EFCAB5: variants seen among roughly 807,000 people sequenced by gnomAD.
EFCAB5 encodes EF-hand calcium binding domain 5.
A neutral mutation model predicts 167.9 loss-of-function variants in EFCAB5; 131 were observed. The observed-to-expected ratio is 0.78, with a 90% CI of 0.68 to 0.90. EFCAB5 has a LOEUF of 0.90. EFCAB5 is among the 40% of genes least tolerant of loss of function. The pLI is 0.00. For synonymous variants in EFCAB5, 574 were observed against 602.8 expected (o/e 0.95, Z 0.70); for missense variants, 1,663 against 1,745.2 (o/e 0.95, Z 0.84).
At chr17:30,012,030 G>A (rs2068915162) in intron 7 of EFCAB5, among the ~76,000 whole-genome samples, 1 of 152,210 alleles carries the variant, frequency 6.6e-6, no homozygotes, top group South Asian at 2.1e-4. Context: ...AGGGGACATA[G>A]TGAGGAGTGA....
chr17:30,000,593 T>A (rs1334615979), intron 7 of EFCAB5, among the ~76,000 whole-genome samples: 1 of 152,222 alleles, frequency 6.6e-6, no homozygotes, highest in East Asian at 1.9e-4. Flanking sequence ...CATTTCCCCT[T>A]GTTTTTCTCT....
At chr17:30,002,644 GT>G (rs1203848506) in intron 7 of EFCAB5, among the ~76,000 whole-genome samples, 1 of 152,128 alleles carries the variant, frequency 6.6e-6, no homozygotes, top group East Asian at 1.9e-4. Flanking sequence ...ATTTACCTGT[GT>G]TTTTTGCTTT....
chr17:29,941,212 G>A (rs911700942), upstream of EFCAB5, among the ~76,000 whole-genome samples: 3 of 151,994 alleles, frequency 2.0e-5, no homozygotes, highest in Non-Finnish European at 4.4e-5. Context: ...TTTTGGCATG[G>A]CAGTGATTTG....
intron 4 of EFCAB5, among the ~76,000 whole-genome samples, chr17:29,987,369 G>A (rs527365787): frequency 1.2e-4 from 18 of 152,238 alleles, no homozygotes; most frequent in East Asian, 3.9e-4. Context: ...TGTCTCGATC[G>A]CACCCAAATT....
intron 22 of EFCAB5, among the ~76,000 whole-genome samples, chr17:30,096,084 G>C (rs1024703656): frequency 6.6e-6 from 1 of 152,146 alleles, no homozygotes; most frequent in African/African-American, 2.4e-5. Flanking sequence ...TATGATATTA[G>C]ACAAGTACTC....
chr17:29,996,371 C>T lies in EFCAB5; in HGVS notation c.973+11C>T. The T allele has an allele frequency of 1.3e-6, 2 of 1,541,764 alleles. No individual in the cohort carries two copies. The highest frequency in any genetic ancestry group is 1.8e-6 in the Non-Finnish European group (2 of 1,141,528). On this transcript the variant is annotated intron_variant, in intron 6 of 22. Transcript: ENST00000394835. The stretch of plus-strand genomic sequence containing the variant: ...CAGATTTCAAGCTTGGTAAGTCTGC[C>T]TATTACTCTGATATTTTTATTTTTA...
chr17:30,002,130 C>A (rs2068675616), intron 7 of EFCAB5, among the ~76,000 whole-genome samples: 2 of 152,128 alleles, frequency 1.3e-5, no homozygotes. Context: ...CACTTAATAT[C>A]ATCTCTTGAT....
At chr17:30,078,751 G>A (rs967430017) in intron 15 of EFCAB5, among the ~76,000 whole-genome samples, 4 of 152,144 alleles carry the variant, frequency 2.6e-5, no homozygotes, top group African/African-American at 9.7e-5. Context: ...AAGATGTCTT[G>A]GGATTTCTAA....
chr17:29,958,506 G>C (rs1486323102), intron 3 of EFCAB5, among the ~76,000 whole-genome samples: 1 of 152,124 alleles, frequency 6.6e-6, no homozygotes, highest in Non-Finnish European at 1.5e-5. Context: ...ATTTCAATCT[G>C]TTTGTTAAAT....
At chr17:30,105,375 T>A (rs1411975953) in intron 22 of EFCAB5, among the ~76,000 whole-genome samples, 1 of 152,016 alleles carries the variant, frequency 6.6e-6, no homozygotes, top group African/African-American at 2.4e-5. Flanking sequence ...TAATCCCAGC[T>A]ACTTGGGAGG....
chr17:29,987,553 A>C (rs1304220795), intron 4 of EFCAB5, among the ~76,000 whole-genome samples: 1 of 152,182 alleles, frequency 6.6e-6, no homozygotes, highest in Non-Finnish European at 1.5e-5. Context: ...TTTGGTCTTT[A>C]GGCAGGCTAA....
intron 8 of EFCAB5, among the ~76,000 whole-genome samples, chr17:30,038,953 G>A (rs1462514941): frequency 2.0e-5 from 3 of 152,136 alleles, no homozygotes; most frequent in Admixed American, 6.5e-5. Flanking sequence ...GTAAGGGACC[G>A]AGACCCACCT....
In EFCAB5 at chr17:30,002,850, T is replaced by C. The variant is rs765108856; in HGVS notation, c.1044+2874T>C. Among the ~76,000 whole-genome samples, 130 of 152,220 alleles carry C rather than the reference T, an allele frequency of 8.5e-4. 11 individuals carry two copies. Among genetic ancestry groups the C allele is most frequent in the Non-Finnish European group, 1.8e-4 (12 of 68,024 alleles). On this transcript the variant is annotated intron_variant, in intron 7 of 22. Transcript: ENST00000394835. ...TTTCACTGGATATAGAATTCTTGAT[T>C]GAAAATTCTTCTATTTTAGCCCTTG...
intron 17 of EFCAB5, among the ~76,000 whole-genome samples, chr17:30,082,103 C>T (rs770406230): frequency 2.6e-5 from 4 of 152,294 alleles, no homozygotes; most frequent in East Asian, 3.9e-4. Flanking sequence ...AAGAGGACTA[C>T]GTAATCTAGC....
rs1207210780 is a variant in EFCAB5, at chr17:30,066,933, AC to A, written c.2737+7233del. ...AGCAGAAATGGATAAATTCCTGGAC[AC>A]ATACAGCCTACCAAGATTGAAGCAA... On this transcript the variant is annotated intron_variant, in intron 14 of 22. Transcript: ENST00000394835. Among the ~76,000 whole-genome samples, 4 of 152,326 alleles carry A rather than the reference AC, an allele frequency of 2.6e-5. No individual in the cohort carries two copies. In the East Asian group the frequency reaches 7.7e-4, roughly 29 times the overall value.
chr17:29,952,188 C>CA (rs939387535), intron 3 of EFCAB5, among the ~76,000 whole-genome samples: 8 of 150,274 alleles, frequency 5.3e-5, no homozygotes, highest in South Asian at 2.1e-4. Flanking sequence ...GATGGAAGGG[C>CA]AAAAAAAAGG....
intron 7 of EFCAB5, among the ~76,000 whole-genome samples, chr17:30,010,109 A>G (rs1248608559): frequency 1.3e-5 from 2 of 152,194 alleles, no homozygotes; most frequent in African/African-American, 4.8e-5. Context: ...TTCCAGCTTC[A>G]TCCATGTCCC....
intron 8 of EFCAB5, among the ~76,000 whole-genome samples, chr17:30,036,244 T>C (rs1169238034): frequency 7.2e-6 from 1 of 139,546 alleles, no homozygotes; most frequent in Non-Finnish European, 1.5e-5. Flanking sequence ...TATGTATATA[T>C]AAATATAGAA....
At chr17:29,930,118 G>A in intron 1 of EFCAB5, 1 of 953,608 alleles carries the variant, frequency 1.0e-6, no homozygotes, top group Non-Finnish European at 1.6e-6. Flanking sequence ...GAACGGGGAG[G>A]AGGAGGAGGC....
Sources: allele counts gnomAD v4.1 joint callset (sites outside exome capture counted in the v4.1 genomes callset), GRCh38; gene constraint gnomAD v4.1.1; transcripts MANE v1.5; gene names NCBI Gene and HGNC (gene_info 2026-07-23, HGNC 2026-07-21).